The following NAV3 variants were observed in gnomAD, a reference collection of about 807,000 sequenced individuals.
NAV3 encodes the protein pore membrane and/or filament interacting like protein 1.
In NAV3, 87 loss-of-function variants were observed where a neutral mutation model predicts 244.7. The observed-to-expected ratio is 0.36, with a 90% CI of 0.30 to 0.42. The LOEUF is 0.42. Among genes scored for constraint, NAV3 ranks in the 20% least tolerant of loss-of-function variants. NAV3 has a pLI of 1.00. For missense variants in NAV3, 2,663 were observed against 2,893.3 expected (o/e 0.92, Z 1.83); for synonymous variants, 1,126 against 1,042.2 (o/e 1.08, Z -1.55).
At chr12:77,583,039 T>C (rs769369733) in intron 2 of NAV3, among the ~76,000 whole-genome samples, 2 of 152,236 alleles carry the variant, frequency 1.3e-5, no homozygotes, top group African/African-American at 4.8e-5. Flanking sequence ...GAGCTTCATT[T>C]ACAAACATTA....
At chr12:78,045,568 C>T (rs920394264) in intron 9 of NAV3, among the ~76,000 whole-genome samples, 4 of 152,278 alleles carry the variant, frequency 2.6e-5, no homozygotes, top group African/African-American at 9.6e-5. Context: ...GCTGGGATTA[C>T]AGGCATGAGC....
At chr12:78,195,384 T>G (rs2139958554) in intron 34 of NAV3, among the ~76,000 whole-genome samples, 1 of 152,000 alleles carries the variant, frequency 6.6e-6, no homozygotes, top group South Asian at 2.1e-4. Context: ...TTGCTTTTTT[T>G]TCCCTTTTAA....
chr12:77,766,896 G>A (rs546089881), intron 2 of NAV3, among the ~76,000 whole-genome samples: 21 of 151,284 alleles, frequency 1.4e-4, no homozygotes, highest in African/African-American at 2.7e-4. Context: ...CTGGGATTAC[G>A]GGCACCCACC....
intron 2 of NAV3, among the ~76,000 whole-genome samples, chr12:77,705,770 G>A (rs1471133969): frequency 2.6e-5 from 4 of 151,280 alleles, no homozygotes; most frequent in Admixed American, 6.6e-5. Context: ...GCCATCAAGG[G>A]GGTTTTGTCC....
At chr12:78,080,733 C>T (rs1370003259) in intron 12 of NAV3, among the ~76,000 whole-genome samples, 2 of 152,082 alleles carry the variant, frequency 1.3e-5, no homozygotes, top group Non-Finnish European at 2.9e-5. Flanking sequence ...CACGAGGTAC[C>T]CTGGACTCTT....
chr12:78,182,421 G>A (rs1279109507), intron 30 of NAV3, among the ~76,000 whole-genome samples: 1 of 151,916 alleles, frequency 6.6e-6, no homozygotes, highest in Non-Finnish European at 1.5e-5. Flanking sequence ...AAAGACAAAG[G>A]CCAGTACCTT....
chr12:77,735,031 G>A (rs711152), intron 2 of NAV3, among the ~76,000 whole-genome samples: 82,184 of 151,906 alleles, frequency 0.54, 22,906 homozygotes, highest in East Asian at 0.84. Flanking sequence ...AATAATATGC[G>A]AATTGATATA....
chr12:77,594,866 C>A (rs1004251122), intron 2 of NAV3, among the ~76,000 whole-genome samples: 2 of 152,086 alleles, frequency 1.3e-5, no homozygotes, highest in Admixed American at 1.3e-4. Context: ...TTACCAATAA[C>A]TGTAATACTT....
rs370465278 is a variant in NAV3 at position 77,968,646 on chromosome 12, C to T, written c.615C>T (p.His205=). The change falls in exon 5 of 40, where the codon CAC becomes CAT. Residue 205 remains histidine (H), a synonymous_variant. Transcript: ENST00000397909. ...TGGAACTTCAGCAGCGAGTTACTCA[C>T]GCTTCCCCTCCATCGGAAGCCAGCC... is the stretch of plus-strand genomic sequence containing the variant. ...SLVELQQRVT[H]ASPPSEASQA... is the part of the protein sequence containing the mutation. 123 of 1,614,106 alleles carry T rather than the reference C, an allele frequency of 7.6e-5. No individual in the cohort carries two copies. Among genetic ancestry groups the T allele is most frequent in the South Asian group, 4.3e-4 (39 of 91,086 alleles).
intron 2 of NAV3, among the ~76,000 whole-genome samples, chr12:77,798,553 A>T (rs1871544216): frequency 7.8e-5 from 1 of 12,752 alleles, no homozygotes; most frequent in Non-Finnish European, 8.9e-3. Context: ...GAGGAAAGAG[A>T]ATAATAGTAA....
At chr12:78,080,978 T>C (rs1953317029) in intron 12 of NAV3, among the ~76,000 whole-genome samples, 1 of 152,196 alleles carries the variant, frequency 6.6e-6, no homozygotes, top group Non-Finnish European at 1.5e-5. Flanking sequence ...TGAAGTCCGG[T>C]GTGTTTTAGA....
At chr12:77,575,846 A>AGGAT (rs1316156171) in intron 2 of NAV3, among the ~76,000 whole-genome samples, 2 of 152,188 alleles carry the variant, frequency 1.3e-5, no homozygotes, top group African/African-American at 4.8e-5. Flanking sequence ...AAAAGATAGT[A>AGGAT]GGATACACAC....
At chr12:78,202,475 C>A (rs1250716280) in intron 38 of NAV3, among the ~76,000 whole-genome samples, 2 of 151,790 alleles carry the variant, frequency 1.3e-5, no homozygotes, top group African/African-American at 4.8e-5. Flanking sequence ...TACATGGGTT[C>A]TTTTTTCATA....
rs1405111326 is a variant in NAV3, at chr12:77,841,096, T to A, written c.243+9392T>A. The stretch of plus-strand genomic sequence containing the variant: ...CTGGGTCCAATACAGAAATTTGATA[T>A]CTGTGGTAGAGTTCATTAATTGGTT... On this transcript the variant is annotated intron_variant, in intron 1 of 39. Transcript: ENST00000397909. 2.0e-5 allele frequency among the ~76,000 whole-genome samples: 3 copies of A among 152,204 alleles called. No homozygotes were observed. In the East Asian group the frequency reaches 5.8e-4, roughly 29 times the overall value.
intron 8 of NAV3, among the ~76,000 whole-genome samples, chr12:78,012,533 C>A (rs1186002772): frequency 6.6e-6 from 1 of 152,098 alleles, no homozygotes. Flanking sequence ...TGCAGTCCCA[C>A]CTTCCCCCAG....
At chr12:77,750,031 A>G (rs1320091293) in intron 2 of NAV3, among the ~76,000 whole-genome samples, 1 of 152,224 alleles carries the variant, frequency 6.6e-6, no homozygotes, top group East Asian at 1.9e-4. Flanking sequence ...TTAATACAGT[A>G]TAAATGAAAA....
intron 2 of NAV3, among the ~76,000 whole-genome samples, chr12:77,703,210 C>A (rs1367799160): frequency 6.6e-6 from 1 of 152,036 alleles, no homozygotes; most frequent in Non-Finnish European, 1.5e-5. Flanking sequence ...CTACTCCTGG[C>A]AAAAGCTGAT....
intron 2 of NAV3, among the ~76,000 whole-genome samples, chr12:77,588,199 C>T (rs972485611): frequency 6.6e-6 from 1 of 152,028 alleles, no homozygotes; most frequent in African/African-American, 2.4e-5. Context: ...CACACTGCAG[C>T]CTTGACTTCA....
rs1023414558 is a variant in NAV3 at position 77,831,403 on chromosome 12, T to C, written c.-59T>C. 1.2e-5 allele frequency: 18 copies of C among 1,511,758 alleles called. No homozygotes were observed. Among genetic ancestry groups the C allele is most frequent in the Middle Eastern group, 3.6e-4 (2 of 5,624 alleles). 93.6% of individuals were successfully genotyped at this position (1,511,758 alleles called of 1,614,324 possible). On this transcript the variant is annotated 5_prime_UTR_variant, in exon 1 of 40. Coordinates refer to ENST00000397909, the MANE Select transcript of NAV3 (RefSeq NM_001024383.2). ...TTCTGGAAATACTAAAGTTGGAGTC[T>C]ACCAGACTGAGGTTAGAAGCATTTT...
Sources: allele counts gnomAD v4.1 joint callset (sites outside exome capture counted in the v4.1 genomes callset), GRCh38; gene constraint gnomAD v4.1.1; transcripts MANE v1.5; gene names NCBI Gene and HGNC (gene_info 2026-07-23, HGNC 2026-07-21).